Variants in FOXJ3 observed in about 807,000 individuals in gnomAD.
FOXJ3 encodes the protein forkhead box J3.
In FOXJ3, 22 loss-of-function variants were observed where a neutral mutation model predicts 76.1. That is an observed-to-expected ratio of 0.29 (90% CI 0.21 to 0.41). FOXJ3 has a LOEUF of 0.41. Among genes scored for constraint, FOXJ3 ranks in the 10% least tolerant of loss-of-function variants. The pLI, the probability that FOXJ3 is intolerant of heterozygous loss-of-function variation, is 1.00. For missense variants in FOXJ3, 613 were observed against 762.1 expected, an observed-to-expected ratio of 0.80 and a Z score of 2.30; for synonymous variants, 269 against 261.2, an observed-to-expected ratio of 1.03 and a Z score of -0.29.
chr1:42,280,453 A>AAAAT (rs1398901578), intron 2 of FOXJ3: 3 of 967,414 alleles, frequency 3.1e-6, no homozygotes, highest in Non-Finnish European at 3.7e-6. Flanking sequence ...AAAAAAAAAA[A>AAAAT]AAAAAAAAAA....
intron 1 of FOXJ3, among the ~76,000 whole-genome samples, chr1:42,313,828 C>T (rs1305846742): frequency 1.3e-5 from 2 of 152,304 alleles, no homozygotes; most frequent in Middle Eastern, 6.8e-3. Flanking sequence ...AATTACTAGA[C>T]ATACTTCTTT....
At chr1:42,320,173 A>G (rs1007670140) in intron 1 of FOXJ3, among the ~76,000 whole-genome samples, 9 of 152,148 alleles carry the variant, frequency 5.9e-5, no homozygotes, top group Non-Finnish European at 1.3e-4. Flanking sequence ...CTTTTCCTCC[A>G]TATTTTAGGA....
At chr1:42,214,279 C>T (rs568515028) in intron 5 of FOXJ3, among the ~76,000 whole-genome samples, 1 of 152,260 alleles carries the variant, frequency 6.6e-6, no homozygotes, top group South Asian at 2.1e-4. Flanking sequence ...TAGCATGGTA[C>T]ATATTTTTAT....
chr1:42,215,899 C>G (rs1283408299), intron 5 of FOXJ3, among the ~76,000 whole-genome samples: 3 of 151,734 alleles, frequency 2.0e-5, no homozygotes, highest in African/African-American at 7.3e-5. Flanking sequence ...GGCTCACATA[C>G]CTAGCACTTT....
intron 4 of FOXJ3, among the ~76,000 whole-genome samples, chr1:42,237,939 C>CAT (rs967424141): frequency 1.7e-4 from 24 of 138,854 alleles, no homozygotes; most frequent in Admixed American, 2.9e-4. Context: ...CACACACACA[C>CAT]ATATATATAG....
chr1:42,306,785 A>C (rs891585226), intron 2 of FOXJ3, among the ~76,000 whole-genome samples: 2 of 152,234 alleles, frequency 1.3e-5, no homozygotes, highest in African/African-American at 4.8e-5. Flanking sequence ...AGTGTTTAAA[A>C]AACTTTTGAG....
At chr1:42,292,798 T>C (rs1363553103) in intron 2 of FOXJ3, among the ~76,000 whole-genome samples, 1 of 152,120 alleles carries the variant, frequency 6.6e-6, no homozygotes, top group Non-Finnish European at 1.5e-5. Context: ...TGAAGCTGTT[T>C]TTAAAAAACA....
chr1:42,330,175 T>C lies in FOXJ3; in HGVS notation c.-18+4884A>G, dbSNP rs79577343. Reference sequence around the variant, plus strand: ...GAATGTAGAGTACTTAGAACACTTTTAGGCCCATAGTAAGGCTTCAAAAAA... The same window carrying C: ...GAATGTAGAGTACTTAGAACACTTTCAGGCCCATAGTAAGGCTTCAAAAAA... On this transcript the variant is annotated intron_variant, in intron 1 of 12. Transcript: ENST00000361346. 7.1e-3 allele frequency among the ~76,000 whole-genome samples: 1,084 copies of C among 152,350 alleles called. 21 individuals carry two copies. Among genetic ancestry groups the C allele is most frequent in the African/African-American group, 0.025 (1,047 of 41,578 alleles).
intron 5 of FOXJ3, among the ~76,000 whole-genome samples, chr1:42,217,666 T>C (rs547437441): frequency 2.0e-5 from 3 of 152,224 alleles, no homozygotes; most frequent in East Asian, 3.9e-4. Context: ...AATGGAGAAA[T>C]ACAACATTTT....
intron 9 of FOXJ3, among the ~76,000 whole-genome samples, chr1:42,190,041 G>A (rs1646511997): frequency 6.6e-6 from 1 of 152,218 alleles, no homozygotes; most frequent in Non-Finnish European, 1.5e-5. Context: ...TGCAAGAAAT[G>A]CTGATGAATC....
At chr1:42,284,226 T>A (rs1310411277) in intron 2 of FOXJ3, among the ~76,000 whole-genome samples, 2 of 152,200 alleles carry the variant, frequency 1.3e-5, no homozygotes, top group African/African-American at 2.4e-5. Flanking sequence ...GCACACTCTC[T>A]TAAAGATGAA....
intron 2 of FOXJ3, among the ~76,000 whole-genome samples, chr1:42,284,023 A>G (rs1215962546): frequency 1.3e-5 from 2 of 152,180 alleles, no homozygotes; most frequent in Non-Finnish European, 2.9e-5. Context: ...AAACAGAGAA[A>G]AAGTCTGGGT....
intron 2 of FOXJ3, among the ~76,000 whole-genome samples, chr1:42,284,688 C>G (rs1652939352): frequency 6.6e-6 from 1 of 152,154 alleles, no homozygotes; most frequent in Non-Finnish European, 1.5e-5. Flanking sequence ...GTCTTTCCAC[C>G]CAGACTATTG....
intron 4 of FOXJ3, among the ~76,000 whole-genome samples, chr1:42,263,964 T>C (rs11210611): frequency 7.6e-6 from 1 of 131,384 alleles, no homozygotes; most frequent in Non-Finnish European, 1.6e-5. Flanking sequence ...TTTTTGAAGA[T>C]TGCTGCCTAC....
chr1:42,263,930 C>CTTTTTTTTTT (rs61375062), intron 4 of FOXJ3, among the ~76,000 whole-genome samples: 4 of 71,396 alleles, frequency 5.6e-5, no homozygotes, highest in African/African-American at 2.0e-4. Context: ...AGTAGGTTAA[C>CTTTTTTTTTT]TTTTTTTTTT....
At chr1:42,197,627 T>C (rs191616048) in intron 7 of FOXJ3, among the ~76,000 whole-genome samples, 66 of 151,870 alleles carry the variant, frequency 4.3e-4, no homozygotes, top group African/African-American at 1.5e-3. Flanking sequence ...AGATGATTAA[T>C]ACCTAATACA....
intron 7 of FOXJ3, among the ~76,000 whole-genome samples, chr1:42,195,814 G>A (rs561214444): frequency 3.3e-5 from 5 of 152,310 alleles, no homozygotes; most frequent in Admixed American, 2.6e-4. Flanking sequence ...AAATGGCTCC[G>A]CCACTGGCAC....
intron 2 of FOXJ3, among the ~76,000 whole-genome samples, chr1:42,305,315 C>A (rs369115373): frequency 2.6e-5 from 4 of 152,220 alleles, no homozygotes; most frequent in East Asian, 3.9e-4. Context: ...TGTATTAGTA[C>A]AACCACTATG....
At chr1:42,205,039 T>C (rs1358393365) in intron 6 of FOXJ3, among the ~76,000 whole-genome samples, 1 of 152,004 alleles carries the variant, frequency 6.6e-6, no homozygotes, top group African/African-American at 2.4e-5. Flanking sequence ...AAAACAAGAC[T>C]GAAAGAGAAT....
Sources: allele counts gnomAD v4.1 joint callset (sites outside exome capture counted in the v4.1 genomes callset), GRCh38; gene constraint gnomAD v4.1.1; transcripts MANE v1.5; gene names NCBI Gene and HGNC (gene_info 2026-07-23, HGNC 2026-07-21).